NLRP4: variants seen among roughly 807,000 people sequenced by gnomAD.
NLRP4 encodes the protein NLR family pyrin domain containing 4.
Under a neutral mutation model 84.7 loss-of-function variants are expected in NLRP4, and 44 were observed. The observed-to-expected ratio is 0.52, with a 90% CI of 0.41 to 0.67. The LOEUF (loss-of-function observed/expected upper bound fraction) is 0.67, where lower values mean the gene tolerates loss of function less well. Among genes scored for constraint, NLRP4 ranks in the 30% least tolerant of loss-of-function variants. The probability of loss-of-function intolerance (pLI) is 0.00; values close to 1 mark genes in which losing one functional copy is unlikely to be tolerated. For synonymous variants in NLRP4, 544 were observed against 476.4 expected, an observed-to-expected ratio of 1.14 and a Z score of -1.85; for missense variants, 1,260 against 1,219.4, an observed-to-expected ratio of 1.03 and a Z score of -0.50.
At chr19:55,852,476 GT>G (rs11301833) in intron 2 of NLRP4, 116 bp downstream of exon 2, 91,212 of 438,948 alleles carry the variant, frequency 0.21, 3,567 homozygotes, top group African/African-American at 0.42. Flanking sequence ...AAAATATTAG[GT>G]TTTTTTTTTT....
chr19:55,870,740 A>T (rs1985143751), intron 6 of NLRP4, 87 bp from the exon 7 acceptor site: 2 of 919,758 alleles, frequency 2.2e-6, no homozygotes, highest in Middle Eastern at 2.2e-4. Flanking sequence ...AGATTATAGA[A>T]ATATTACCCT....
intron 9 of NLRP4, 49 bp from the exon 10 acceptor site, chr19:55,881,421 G>A (rs1328392635): frequency 2.0e-6 from 2 of 994,744 alleles, no homozygotes; most frequent in African/African-American, 3.2e-5. Flanking sequence ...TGCAGAAAAG[G>A]GAAAAAGTAT....
chr19:55,858,882 A>G lies in NLRP4; in HGVS notation c.1489A>G (p.Ile497Val), dbSNP rs371756213. The G allele has an allele frequency of 5.0e-6, 8 of 1,614,006 alleles. No homozygotes were observed. The African/African-American group carries it at 9.3e-5, about 19-fold the overall frequency. ...TGAAAAAGCAAGGAGAGCACATTGG[A>G]TTTTTTTGGGGTGTTTTCTAACTGG... ...NFEKARRAHW[I>V]FLGCFLTGLL... The change falls in exon 3 of 10, where the codon ATT becomes GTT. Residue 497 changes from isoleucine (I) to valine (V), a missense_variant. Physicochemically the swap from Ile to Val is conservative, Grantham distance 29. This residue lies in a region of NLRP4 where 712 missense variants were observed against 669.2 expected (regional missense o/e 1.06). Coordinates refer to ENST00000301295, the MANE Select transcript of NLRP4 (RefSeq NM_134444.5). The surrounding 1 kb of genome is among the most constrained non-coding windows in gnomAD (Gnocchi z 4.2).
At chr19:55,876,268 C>T (rs1985367146) in intron 7 of NLRP4, among the ~76,000 whole-genome samples, 2 of 152,058 alleles carry the variant, frequency 1.3e-5, no homozygotes, top group African/African-American at 4.8e-5. Context: ...TTCAGTTGTC[C>T]CTCCATATCC....
chr19:55,858,442 G>C lies in NLRP4; in HGVS notation c.1049G>C (p.Ser350Thr), dbSNP rs1319253702. 10 of 1,614,084 alleles carry C rather than the reference G, an allele frequency of 6.2e-6. No homozygotes were observed. Among genetic ancestry groups the C allele is most frequent in the Non-Finnish European group, 7.6e-6 (9 of 1,180,028 alleles). Reference protein sequence around the residue: ...IPLLCWILCTSLKQEMQKGKD... With the variant: ...IPLLCWILCTTLKQEMQKGKD... ...CTCCTCTGCTGGATCCTGTGTACCA[G>C]TCTGAAGCAAGAGATGCAGAAAGGA... The change falls in exon 3 of 10, where the codon AGT becomes ACT. Residue 350 changes from serine (S) to threonine (T), a missense_variant. By Grantham distance (58) the Ser-to-Thr change is moderately conservative. This residue lies in a region of NLRP4 where 712 missense variants were observed against 669.2 expected (regional missense o/e 1.06). Transcript: ENST00000301295. The surrounding 1 kb of genome is among the most constrained non-coding windows in gnomAD (Gnocchi z 4.2).
At position 55,881,846 on chromosome 19, in the gene NLRP4, A is replaced by C; in HGVS notation, c.*259A>C. 3.6e-6 allele frequency: 1 copy of C among 275,070 alleles called. No homozygotes were observed. The highest frequency in any genetic ancestry group is 6.7e-6 in the Non-Finnish European group (1 of 148,992). The allele number at this position is 275,070 out of a possible 1,614,324, so 17.0% of individuals were successfully genotyped here. A position where few individuals can be genotyped will look rare whatever the true frequency, so the allele number is the denominator to read the frequency against. On this transcript the variant is annotated 3_prime_UTR_variant, in exon 10 of 10. Transcript: ENST00000301295. ...CCTCAATAAAGTGTTACATTTCTAAACATTGGAAATTCTTTTTTTGCCTTT... is the reference window on the plus strand; with the variant it reads ...CCTCAATAAAGTGTTACATTTCTAACCATTGGAAATTCTTTTTTTGCCTTT...
At position 55,858,662 on chromosome 19, in the gene NLRP4, G is replaced by A; in HGVS notation, c.1269G>A (p.Gly423=). The A allele has an allele frequency of 6.2e-7, 1 of 1,614,190 alleles. No individual in the cohort carries two copies. The highest frequency in any genetic ancestry group is 8.5e-7 in the Non-Finnish European group (1 of 1,180,036). The change falls in exon 3 of 10, where the codon GGG becomes GGA. Residue 423 remains glycine (G), a synonymous_variant. Coordinates refer to ENST00000301295, the MANE Select transcript of NLRP4 (RefSeq NM_134444.5). The surrounding 1 kb of genome is among the most constrained non-coding windows in gnomAD (Gnocchi z 4.2). ...EFCEDDLRRN[G]VVDADIPALL... ...GTGAAGACGACCTCCGGAGAAATGG[G>A]GTTGTTGACGCTGACATCCCTGCGC...
chr19:55,859,939 A>C (rs1375059975), intron 3 of NLRP4, among the ~76,000 whole-genome samples: 3 of 144,366 alleles, frequency 2.1e-5, no homozygotes, highest in East Asian at 4.1e-4. Context: ...AAAAAAAAAA[A>C]AAAAAAAAAA....
intron 3 of NLRP4, among the ~76,000 whole-genome samples, chr19:55,859,986 CTTTT>C (rs774606132): frequency 1.0e-5 from 1 of 96,504 alleles, no homozygotes; most frequent in Non-Finnish European, 2.1e-5. Flanking sequence ...TCTTCTTGTT[CTTTT>C]TTTTTTTTTT....
chr19:55,840,687 A>G (rs1409595402), intron 1 of NLRP4, among the ~76,000 whole-genome samples: 1 of 152,116 alleles, frequency 6.6e-6, no homozygotes, highest in Non-Finnish European at 1.5e-5. Context: ...CGTGAGCCAC[A>G]GCACCCGGCT....
intron 3 of NLRP4, 22 bp from the exon 4 acceptor site, chr19:55,861,364 G>C: frequency 6.2e-7 from 1 of 1,608,296 alleles, no homozygotes; most frequent in Non-Finnish European, 8.5e-7. Context: ...CCTGTGGAAA[G>C]CTCGTCCTTT....
chr19:55,879,082 G>A (rs1273118824), intron 9 of NLRP4, 118 bp downstream of exon 9: 1 of 777,728 alleles, frequency 1.3e-6, no homozygotes, highest in South Asian at 1.9e-5. Flanking sequence ...CTTGTCTCAG[G>A]GTTGTTGCAG....
At position 55,858,039 on chromosome 19, in the gene NLRP4, A is replaced by AT. The variant is rs1568664284; in HGVS notation, c.647dup (p.Thr217AsnfsTer34). ...AGAGTGGCCTGACCCCGCTGCTCCT[A>AT]TAACAGAGATCGTGTCTCAACCGGA... On this transcript the variant is annotated frameshift_variant, in exon 3 of 10. Coordinates refer to ENST00000301295, the MANE Select transcript of NLRP4 (RefSeq NM_134444.5). LOFTEE classifies it high-confidence loss of function. The surrounding 1 kb of genome is among the most constrained non-coding windows in gnomAD (Gnocchi z 4.2). 6.2e-7 allele frequency: 1 copy of AT among 1,614,166 alleles called. No homozygotes were observed. The highest frequency in any genetic ancestry group is 2.2e-5 in the East Asian group (1 of 44,876).
chr19:55,861,065 G>T (rs1424209787), intron 3 of NLRP4, among the ~76,000 whole-genome samples: 2 of 152,124 alleles, frequency 1.3e-5, no homozygotes, highest in Non-Finnish European at 2.9e-5. Flanking sequence ...CTGTTACAGT[G>T]GGGGGCTCTC....
At position 55,867,829 on chromosome 19, in the gene NLRP4, T is replaced by C. The variant is rs572367648; in HGVS notation, c.2307T>C (p.Leu769=). ...SCNQLDTGVP[L]LCEALCSPDT... ...ACCAGTTAGACACAGGCGTGCCCCT[T>C]TTGTGTGAAGCCCTGTGCAGCCCAG... The change falls in exon 6 of 10, where the codon CTT becomes CTC. Residue 769 remains leucine, a synonymous_variant. Transcript: ENST00000301295. 1 of 1,614,014 alleles carries C rather than the reference T, an allele frequency of 6.2e-7. No individual in the cohort carries two copies. The highest frequency in any genetic ancestry group is 1.3e-5 in the African/African-American group (1 of 74,912).
intron 2 of NLRP4, among the ~76,000 whole-genome samples, chr19:55,854,303 T>G (rs1244423934): frequency 6.6e-6 from 1 of 152,206 alleles, no homozygotes; most frequent in African/African-American, 2.4e-5. Flanking sequence ...ACATGTTTTA[T>G]TTATGCAGTT....
chr19:55,874,433 G>T (rs986579768), intron 7 of NLRP4, among the ~76,000 whole-genome samples: 2 of 152,068 alleles, frequency 1.3e-5, no homozygotes, highest in African/African-American at 4.8e-5. Context: ...AAGAGTGCAG[G>T]TCTATGTCAA....
At position 55,852,356 on chromosome 19, in the gene NLRP4, A is replaced by G. The variant is rs1188667516; in HGVS notation, c.276A>G (p.Arg92=). 6 of 1,592,360 alleles carry G rather than the reference A, an allele frequency of 3.8e-6. No homozygotes were observed. Among genetic ancestry groups the G allele is most frequent in the African/African-American group, 1.4e-5 (1 of 73,672 alleles). ...TCTGCATGAAGGTCATGAGGGAGAG[A>G]ACAGGTGAGGGAGTCTGGGAAGGGG... ...KDLCMKVMRE[R]TGYTKTYQAH... Residue 92 remains arginine (R), a synonymous_variant, in exon 2 of 10, where the codon AGA becomes AGG. Transcript: ENST00000301295.
intron 2 of NLRP4, among the ~76,000 whole-genome samples, chr19:55,856,442 A>T (rs1027322517): frequency 1.3e-5 from 2 of 151,624 alleles, no homozygotes; most frequent in South Asian, 2.1e-4. Flanking sequence ...GCAGAACTTA[A>T]TCTGTACCTT....
Sources: allele counts gnomAD v4.1 joint callset (sites outside exome capture counted in the v4.1 genomes callset), GRCh38; gene constraint gnomAD v4.1.1; regional missense constraint gnomAD v4.1.1; non-coding constraint Gnocchi (gnomAD v3.1); transcripts MANE v1.5; gene names NCBI Gene and HGNC (gene_info 2026-07-23, HGNC 2026-07-21).